Variants in DCC observed in about 807,000 individuals in gnomAD.
The protein encoded by DCC is netrin receptor DCC.
A neutral mutation model predicts 172.5 loss-of-function variants in DCC; 58 were observed. The observed-to-expected ratio is 0.34, with a 90% CI of 0.27 to 0.42. The LOEUF is 0.42. Ranked by LOEUF, DCC falls within the 10% of genes least tolerant of loss-of-function variation. The pLI, the probability that DCC is intolerant of heterozygous loss-of-function variation, is 1.00. For missense variants in DCC, 1,740 were observed against 1,791.0 expected (o/e 0.97, Z 0.51); for synonymous variants, 709 against 644.5 (o/e 1.10, Z -1.52).
chr18:52,345,685 T>C (rs1292309465), intron 1 of DCC, among the ~76,000 whole-genome samples: 2 of 152,218 alleles, frequency 1.3e-5, no homozygotes, highest in Non-Finnish European at 2.9e-5. Flanking sequence ...ACCAAGGCTG[T>C]GACCCACAGG....
At chr18:53,133,684 C>T (rs1313669554) in intron 7 of DCC, among the ~76,000 whole-genome samples, 3 of 152,180 alleles carry the variant, frequency 2.0e-5, no homozygotes, top group African/African-American at 7.2e-5. Context: ...CCTTTCTCTT[C>T]CTTTTCACTG....
intron 1 of DCC, among the ~76,000 whole-genome samples, chr18:52,432,423 C>T (rs529228184): frequency 1.5e-4 from 23 of 152,112 alleles, no homozygotes; most frequent in African/African-American, 5.3e-4. Context: ...CAAGAGGGAC[C>T]AAATAAAGGA....
intron 2 of DCC, among the ~76,000 whole-genome samples, chr18:52,827,113 A>G (rs2038523884): frequency 1.3e-5 from 2 of 152,120 alleles, no homozygotes; most frequent in Admixed American, 1.3e-4. Context: ...TTTATACGTG[A>G]ATGATCAGTC....
In DCC at chr18:53,027,707, C is replaced by T. The variant is rs151296306; in HGVS notation, c.986-35598C>T. On this transcript the variant is annotated intron_variant, in intron 5 of 28. Coordinates refer to ENST00000442544, the MANE Select transcript of DCC (RefSeq NM_005215.4). ...TTTCTGTCAACTTTTCTTCTCACTC[C>T]TCCTTTCCTTTCTTTTACTTTCCCT... Among the ~76,000 whole-genome samples, 1,041 of 152,164 alleles carry T rather than the reference C, an allele frequency of 6.8e-3. 8 individuals are homozygous for T. The highest frequency in any genetic ancestry group is 0.011 in the Non-Finnish European group (752 of 68,020).
At chr18:52,573,646 C>T (rs2033349857) in intron 1 of DCC, among the ~76,000 whole-genome samples, 1 of 152,160 alleles carries the variant, frequency 6.6e-6, no homozygotes, top group Admixed American at 6.6e-5. Context: ...CATCTGCTGT[C>T]TCTTTCTATT....
chr18:52,545,653 T>C (rs2032591231), intron 1 of DCC, among the ~76,000 whole-genome samples: 1 of 152,118 alleles, frequency 6.6e-6, no homozygotes, highest in African/African-American at 2.4e-5. Flanking sequence ...TTATCATAGG[T>C]TATTGTAATA....
At chr18:52,882,700 T>C (rs773989353) in intron 2 of DCC, among the ~76,000 whole-genome samples, 2 of 152,154 alleles carry the variant, frequency 1.3e-5, no homozygotes, top group African/African-American at 2.4e-5. Context: ...TTGAGAATGG[T>C]TCATGTCCTG....
chr18:52,819,779 C>T (rs192479233), intron 2 of DCC, among the ~76,000 whole-genome samples: 14 of 151,402 alleles, frequency 9.2e-5, no homozygotes, highest in Non-Finnish European at 1.5e-4. Context: ...AGTGCAATGG[C>T]GCGATCTCTG....
At chr18:52,761,741 G>C (rs1375876885) in intron 2 of DCC, among the ~76,000 whole-genome samples, 1 of 151,794 alleles carries the variant, frequency 6.6e-6, no homozygotes, top group East Asian at 1.9e-4. Context: ...AGCCTCAAAG[G>C]TCAAAGCGCT....
intron 2 of DCC, among the ~76,000 whole-genome samples, chr18:52,820,084 T>G (rs1191479830): frequency 6.6e-6 from 1 of 152,178 alleles, no homozygotes; most frequent in Non-Finnish European, 1.5e-5. Context: ...GTAAATAATT[T>G]CCTGTGGACA....
At chr18:52,344,252 T>C (rs1280412721) in intron 1 of DCC, among the ~76,000 whole-genome samples, 1 of 152,210 alleles carries the variant, frequency 6.6e-6, no homozygotes, top group Non-Finnish European at 1.5e-5. Context: ...GAAGCTCTGC[T>C]GAAAGTTTCT....
At chr18:52,909,657 T>C (rs2039940483) in intron 3 of DCC, among the ~76,000 whole-genome samples, 1 of 152,280 alleles carries the variant, frequency 6.6e-6, no homozygotes, top group East Asian at 1.9e-4. Flanking sequence ...TAACAAACAG[T>C]GGTTTTAAAG....
At chr18:52,818,277 T>G (rs930875596) in intron 2 of DCC, 2 of 151,866 alleles carry the variant, frequency 1.3e-5, no homozygotes, top group Non-Finnish European at 2.9e-5. Context: ...CTGAGTGTAG[T>G]GGTGCATGCC....
intron 1 of DCC, among the ~76,000 whole-genome samples, chr18:52,543,904 A>G (rs1478330242): frequency 1.3e-5 from 2 of 152,228 alleles, no homozygotes; most frequent in South Asian, 2.1e-4. Flanking sequence ...GCAGTCTTCA[A>G]CAATGATACT....
intron 5 of DCC, among the ~76,000 whole-genome samples, chr18:52,943,456 GTT>G (rs2040494134): frequency 6.6e-6 from 1 of 152,140 alleles, no homozygotes; most frequent in African/African-American, 2.4e-5. Flanking sequence ...AATGACTGAT[GTT>G]TAGTGAACTA....
At chr18:53,320,093 G>A (rs1282726966) in intron 13 of DCC, among the ~76,000 whole-genome samples, 1 of 110,820 alleles carries the variant, frequency 9.0e-6, no homozygotes, top group Non-Finnish European at 1.7e-5. Context: ...TTTTTTTTGA[G>A]ATGGAGTCTC....
At chr18:53,264,114 C>T (rs889691167) in intron 12 of DCC, among the ~76,000 whole-genome samples, 4 of 152,118 alleles carry the variant, frequency 2.6e-5, no homozygotes, top group Admixed American at 2.0e-4. Context: ...AATACAGCCT[C>T]TTACATTGTT....
intron 1 of DCC, among the ~76,000 whole-genome samples, chr18:52,641,121 C>T (rs776555089): frequency 6.6e-5 from 10 of 152,104 alleles, no homozygotes; most frequent in East Asian, 3.8e-4. Flanking sequence ...GGGGAAGGGA[C>T]GCCCTTTTCA....
intron 5 of DCC, among the ~76,000 whole-genome samples, chr18:53,037,431 G>A (rs1203534575): frequency 6.6e-6 from 1 of 151,950 alleles, no homozygotes; most frequent in African/African-American, 2.4e-5. Context: ...GGTAGACATT[G>A]AAAGAAACAG....
Sources: allele counts gnomAD v4.1 joint callset (sites outside exome capture counted in the v4.1 genomes callset), GRCh38; gene constraint gnomAD v4.1.1; transcripts MANE v1.5; gene names NCBI Gene and HGNC (gene_info 2026-07-23, HGNC 2026-07-21).